The following UTRN variants were observed in gnomAD, a reference collection of about 807,000 sequenced individuals.
UTRN encodes the protein utrophin.
Under a neutral mutation model 463.9 loss-of-function variants are expected in UTRN, and 283 were observed. The ratio of observed to expected loss-of-function variants is 0.61; its 90% confidence interval spans 0.55 to 0.67. The LOEUF (loss-of-function observed/expected upper bound fraction) is 0.67, where lower values mean the gene tolerates loss of function less well. Among genes scored for constraint, UTRN ranks in the 30% least tolerant of loss-of-function variants. The pLI, the probability that UTRN is intolerant of heterozygous loss-of-function variation, is 0.00. For synonymous variants in UTRN, 1,442 were observed against 1,431.5 expected (o/e 1.01, Z -0.17); for missense variants, 3,922 against 4,084.3 (o/e 0.96, Z 1.08).
chr6:144,492,720 T>C (rs2128580063), intron 32 of UTRN, among the ~76,000 whole-genome samples: 1 of 152,322 alleles, frequency 6.6e-6, no homozygotes, highest in East Asian at 1.9e-4. Context: ...TTCAGACTGG[T>C]GTGAGATAGT....
chr6:144,537,617 G>A lies in UTRN; in HGVS notation c.6269G>A (p.Arg2090Lys). ...KGESKQVMKY[R>K]HQLDEIICWL... The stretch of plus-strand genomic sequence containing the variant: ...GAAAGTAAGCAGGTGATGAAGTACA[G>A]GCATCAGCTAGATGAGATTATCTGT... The change falls in exon 44 of 75, where the codon AGG (arginine) becomes AAG (lysine). Residue 2090 changes from arginine (R) to lysine (K), a missense_variant. Transcript: ENST00000367545. The A allele has an allele frequency of 6.2e-7, 1 of 1,609,448 alleles. No individual in the cohort carries two copies. The highest frequency in any genetic ancestry group is 2.3e-5 in the East Asian group (1 of 44,352).
At chr6:144,583,037 C>G (rs572966587) in intron 51 of UTRN, among the ~76,000 whole-genome samples, 117 of 152,326 alleles carry the variant, frequency 7.7e-4, no homozygotes, top group African/African-American at 2.7e-3. Context: ...GCTCTGTTCT[C>G]TCTTAATAGA....
At chr6:144,387,342 C>T (rs1182743518) in intron 2 of UTRN, among the ~76,000 whole-genome samples, 1 of 151,980 alleles carries the variant, frequency 6.6e-6, no homozygotes, top group Non-Finnish European at 1.5e-5. Context: ...GGTGTTTCAC[C>T]ATATTGTCCA....
chr6:144,574,413 T>C (rs1011919096), intron 50 of UTRN, among the ~76,000 whole-genome samples: 2 of 152,210 alleles, frequency 1.3e-5, no homozygotes, highest in African/African-American at 4.8e-5. Flanking sequence ...AGTAGTTTGC[T>C]TATATTTATT....
At chr6:144,793,041 A>C (rs747122243) in intron 62 of UTRN, among the ~76,000 whole-genome samples, 24 of 152,190 alleles carry the variant, frequency 1.6e-4, no homozygotes, top group Non-Finnish European at 2.6e-4. Context: ...TAAAACAAAA[A>C]TAGTGGTTAT....
chr6:144,305,781 G>A (rs572175303), intron 2 of UTRN, among the ~76,000 whole-genome samples: 2 of 152,306 alleles, frequency 1.3e-5, no homozygotes, highest in East Asian at 3.9e-4. Context: ...AAGGAGGTGA[G>A]GTGAAAATCT....
intron 69 of UTRN, among the ~76,000 whole-genome samples, chr6:144,834,758 A>G (rs1474887984): frequency 6.6e-6 from 1 of 152,144 alleles, no homozygotes; most frequent in Non-Finnish European, 1.5e-5. Context: ...GTAACAGAAG[A>G]AGTCTCTAAG....
At chr6:144,828,686 GT>G in intron 68 of UTRN, 103 bp from the exon 69 acceptor site, 1 of 1,136,854 alleles carries the variant, frequency 8.8e-7, no homozygotes, top group East Asian at 2.5e-5. Flanking sequence ...ATCTTTCTAT[GT>G]TTTGTCAGAA....
At chr6:144,333,888 A>G (rs1776518167) in intron 2 of UTRN, among the ~76,000 whole-genome samples, 1 of 152,192 alleles carries the variant, frequency 6.6e-6, no homozygotes, top group African/African-American at 2.4e-5. Context: ...TTCAGTAAAT[A>G]TCTCATTTTA....
intron 17 of UTRN, among the ~76,000 whole-genome samples, 198 bp from the exon 18 acceptor site, chr6:144,451,172 T>C (rs950298275): frequency 6.6e-6 from 1 of 152,216 alleles, no homozygotes; most frequent in Non-Finnish European, 1.5e-5. Flanking sequence ...ATTAACCCTA[T>C]AATATTATTA....
Position 144,730,502 on chromosome 6 carries a change from C to T in UTRN, c.7939+16C>T. 6.3e-7 allele frequency: 1 copy of T among 1,587,684 alleles called. No homozygotes were observed. Among genetic ancestry groups the T allele is most frequent in the Non-Finnish European group, 8.6e-7 (1 of 1,167,028 alleles). Reference sequence around the variant, plus strand: ...TCAAAAACAGGTGAGACTGGTTTCTCCACTACATCATAAAAACACATGCTA... The same window carrying T: ...TCAAAAACAGGTGAGACTGGTTTCTTCACTACATCATAAAAACACATGCTA... On this transcript the variant is annotated intron_variant, in intron 54 of 74. Transcript: ENST00000367545.
intron 53 of UTRN, among the ~76,000 whole-genome samples, chr6:144,710,733 A>T (rs910408977): frequency 1.3e-5 from 2 of 152,202 alleles, no homozygotes; most frequent in Non-Finnish European, 2.9e-5. Flanking sequence ...GATAGTTTTG[A>T]TCATTTTTAT....
At chr6:144,332,019 C>T (rs1776368583) in intron 2 of UTRN, among the ~76,000 whole-genome samples, 1 of 152,232 alleles carries the variant, frequency 6.6e-6, no homozygotes, top group South Asian at 2.1e-4. Flanking sequence ...TGGGAACAAC[C>T]TCTGTTTACA....
rs187722160 is a variant in UTRN, at chr6:144,685,066, A to T, written c.7652+6488A>T. Among the ~76,000 whole-genome samples the T allele has an allele frequency of 2.6e-5, 4 of 152,234 alleles. No homozygotes were observed. The East Asian group carries it at 5.8e-4, about 22-fold the overall frequency. ...CCTCTGAGTCTCATATGTCCATTATATCACTGTGTATGCCTTTGCATACCC... is the reference window on the plus strand; with the variant it reads ...CCTCTGAGTCTCATATGTCCATTATTTCACTGTGTATGCCTTTGCATACCC... On this transcript the variant is annotated intron_variant, in intron 52 of 74. Transcript: ENST00000367545.
At chr6:144,678,317 A>G (rs1781855371) in intron 51 of UTRN, 89 bp from the exon 52 acceptor site, 1 of 1,250,256 alleles carries the variant, frequency 8.0e-7, no homozygotes, top group East Asian at 2.4e-5. Context: ...GGTGAAATGA[A>G]CTATTTTGCT....
At chr6:144,841,979 A>G (rs1323627541) in intron 73 of UTRN, among the ~76,000 whole-genome samples, 1 of 151,962 alleles carries the variant, frequency 6.6e-6, no homozygotes, top group South Asian at 2.1e-4. Context: ...GCATGGTGGC[A>G]TGCACTTGTA....
chr6:144,827,371 G>A lies in UTRN; in HGVS notation c.9518G>A (p.Trp3173Ter). The change falls in exon 67 of 75, where the codon TGG becomes TAG. Residue 3173 changes from tryptophan (W) to a stop codon, truncating the protein, a stop_gained. Transcript: ENST00000367545. LOFTEE classifies it high-confidence loss of function. ...LETPITLISM[W>*]PEHYDPSQSP... Reference sequence around the variant, plus strand: ...AGTCCTATCACACTCATCAGTATGTGGCCAGAGCACTATGAGTGAGTATTC... The same window carrying A: ...AGTCCTATCACACTCATCAGTATGTAGCCAGAGCACTATGAGTGAGTATTC... 2 of 1,613,416 alleles carry A rather than the reference G, an allele frequency of 1.2e-6. No homozygotes were observed. The highest frequency in any genetic ancestry group is 3.3e-4 in the Middle Eastern group (2 of 6,056).
Position 144,685,529 on chromosome 6 carries a change from G to T in UTRN, c.7652+6951G>T, listed in dbSNP as rs1016238620. Among the ~76,000 whole-genome samples the T allele has an allele frequency of 6.6e-5, 10 of 152,068 alleles. No homozygotes were observed. In the East Asian group the frequency reaches 1.9e-3, roughly 29 times the overall value. On this transcript the variant is annotated intron_variant, in intron 52 of 74. Coordinates refer to ENST00000367545, the MANE Select transcript of UTRN (RefSeq NM_007124.3). ...CACCACATCCTCATTGACATCTATT[G>T]TTTTTTGACTTTTTAATAATGGCCG... is the stretch of plus-strand genomic sequence containing the variant.
chr6:144,644,818 G>A (rs1778125968), intron 51 of UTRN, among the ~76,000 whole-genome samples: 2 of 152,162 alleles, frequency 1.3e-5, no homozygotes, highest in Non-Finnish European at 2.9e-5. Flanking sequence ...AGGCCATGAA[G>A]TAAGGGAGCA....
Sources: allele counts gnomAD v4.1 joint callset (sites outside exome capture counted in the v4.1 genomes callset), GRCh38; gene constraint gnomAD v4.1.1; transcripts MANE v1.5; gene names NCBI Gene and HGNC (gene_info 2026-07-23, HGNC 2026-07-21).